Variants in KCNJ12 observed in about 807,000 individuals in gnomAD.
KCNJ12 encodes potassium inwardly rectifying channel subfamily J member 12.
A neutral mutation model predicts 22.3 loss-of-function variants in KCNJ12; 2 were observed. That is an observed-to-expected ratio of 0.09 (90% CI 0.04 to 0.28). KCNJ12 has a LOEUF of 0.28. Among genes scored for constraint, KCNJ12 ranks in the 10% least tolerant of loss-of-function variants. The pLI is 1.00. For missense variants in KCNJ12, 155 were observed against 633.3 expected, an observed-to-expected ratio of 0.24 and a Z score of 8.11; for synonymous variants, 117 against 261.4, an observed-to-expected ratio of 0.45 and a Z score of 5.33.
chr17:21,386,724 T>A (rs1387677953), intron 1 of KCNJ12, among the ~76,000 whole-genome samples: 1 of 152,050 alleles, frequency 6.6e-6, no homozygotes, highest in Non-Finnish European at 1.5e-5. Context: ...GCCAGGATAG[T>A]CTCGATCTCT....
chr17:21,395,593 A>G (rs1317637675), intron 1 of KCNJ12, among the ~76,000 whole-genome samples: 1 of 149,212 alleles, frequency 6.7e-6, no homozygotes, highest in Non-Finnish European at 1.5e-5. Context: ...AAAAAAAAAA[A>G]AGAAAGAAAA....
At chr17:21,388,617 A>G (rs1555558964) in intron 1 of KCNJ12, among the ~76,000 whole-genome samples, 1 of 150,084 alleles carries the variant, frequency 6.7e-6, no homozygotes, top group Non-Finnish European at 1.5e-5. Flanking sequence ...TTTCTCAGGA[A>G]GTAGTGTGAC....
intron 1 of KCNJ12, among the ~76,000 whole-genome samples, chr17:21,387,920 C>T (rs1014489324): frequency 6.6e-6 from 1 of 152,128 alleles, no homozygotes; most frequent in African/African-American, 2.4e-5. Flanking sequence ...CTGTGCCCCC[C>T]GAGGGTCGTG....
At position 21,419,306 on chromosome 17, in the gene KCNJ12, G is replaced by GTA. The variant is rs1393223282; in HGVS notation, c.*2663_*2664insAT. Reference sequence around the variant, plus strand: ...ATACGTGATCTATACGTGTGTGTGTGTGTGTGTGTGTGTGTGTGTGTGTAT... The same window carrying GTA: ...ATACGTGATCTATACGTGTGTGTGTGTATGTGTGTGTGTGTGTGTGTGTGTAT... On this transcript the variant is annotated 3_prime_UTR_variant, in exon 3 of 3. Coordinates refer to ENST00000583088, the MANE Select transcript of KCNJ12 (RefSeq NM_021012.5). 4 of 166,684 alleles carry GTA rather than the reference G, an allele frequency of 2.4e-5. No homozygotes were observed. The East Asian group carries it at 5.8e-4, about 24-fold the overall frequency. The allele number at this position is 166,684 out of a possible 1,614,324, so 10.3% of individuals were successfully genotyped here.
intron 1 of KCNJ12, among the ~76,000 whole-genome samples, chr17:21,387,081 G>C (rs1020085137): frequency 6.6e-6 from 1 of 152,016 alleles, no homozygotes; most frequent in African/African-American, 2.4e-5. Flanking sequence ...GCGTGAACCC[G>C]GGGGGCGGAG....
At chr17:21,400,756 G>A (rs1483345865) in intron 1 of KCNJ12, among the ~76,000 whole-genome samples, 1 of 152,310 alleles carries the variant, frequency 6.6e-6, no homozygotes, top group African/African-American at 2.4e-5. Flanking sequence ...ACTTTTGAGT[G>A]CAAGAGAGAA....
In KCNJ12 at chr17:21,416,755, C is replaced by G; in HGVS notation, c.*111C>G. ...GGCCCAGTGCCCTGGGTTGCAGACT[C>G]AGTAGCGTTTTAGTCGTTTTATGTT... On this transcript the variant is annotated 3_prime_UTR_variant, in exon 3 of 3. Transcript: ENST00000583088. The G allele has an allele frequency of 7.0e-7, 1 of 1,437,300 alleles. No individual in the cohort carries two copies. The highest frequency in any genetic ancestry group is 9.2e-7 in the Non-Finnish European group (1 of 1,086,592). The allele number at this position is 1,437,300 out of a possible 1,614,324, so 89.0% of individuals were successfully genotyped here.
chr17:21,414,370 G>T (rs1186744738), intron 2 of KCNJ12, among the ~76,000 whole-genome samples: 2 of 152,280 alleles, frequency 1.3e-5, no homozygotes, highest in Non-Finnish European at 2.9e-5. Flanking sequence ...AGCTGCTCAG[G>T]AAGCTGAGGC....
intron 1 of KCNJ12, among the ~76,000 whole-genome samples, chr17:21,384,175 C>T (rs568021386): frequency 2.0e-5 from 3 of 152,240 alleles, no homozygotes; most frequent in Admixed American, 1.3e-4. Context: ...CATGTCATGG[C>T]GTCCCCTGCA....
intron 2 of KCNJ12, among the ~76,000 whole-genome samples, chr17:21,411,712 G>A (rs1906359453): frequency 6.6e-6 from 1 of 152,350 alleles, no homozygotes; most frequent in African/African-American, 2.4e-5. Flanking sequence ...CAGCAAAACA[G>A]TTTCTCTGAT....
chr17:21,398,880 C>T (rs1555560184), intron 1 of KCNJ12, among the ~76,000 whole-genome samples: 1 of 152,258 alleles, frequency 6.6e-6, no homozygotes, highest in East Asian at 1.9e-4. Flanking sequence ...TATGCTGGAC[C>T]TGTTCTGGGT....
chr17:21,388,430 A>G (rs1408175860), intron 1 of KCNJ12, among the ~76,000 whole-genome samples: 3 of 152,184 alleles, frequency 2.0e-5, no homozygotes, highest in African/African-American at 7.2e-5. Context: ...GCCACACCCT[A>G]GTCCCTCTGG....
chr17:21,410,859 A>C (rs1227699064), intron 2 of KCNJ12, among the ~76,000 whole-genome samples: 2 of 152,304 alleles, frequency 1.3e-5, no homozygotes, highest in Admixed American at 6.5e-5. Context: ...TAATAATCAC[A>C]GTGTGATGGA....
At chr17:21,398,952 A>T (rs1905475904) in intron 1 of KCNJ12, among the ~76,000 whole-genome samples, 1 of 152,248 alleles carries the variant, frequency 6.6e-6, no homozygotes, top group East Asian at 1.9e-4. Context: ...CATTCCACAG[A>T]TGTGGAAACT....
rs1450967941 is a variant in KCNJ12, at chr17:21,408,652, G to A, written c.-57+12G>A. Reference sequence around the variant, plus strand: ...ATAGAACTCAAGAGGTAAGAGTGAAGTCATTGACATGCTCTTGTGCATCTA... The same window carrying A: ...ATAGAACTCAAGAGGTAAGAGTGAAATCATTGACATGCTCTTGTGCATCTA... On this transcript the variant is annotated intron_variant, in intron 2 of 2. Transcript: ENST00000583088. 1 of 152,482 alleles carries A rather than the reference G, an allele frequency of 6.6e-6. No homozygotes were observed. The highest frequency in any genetic ancestry group is 2.1e-4 in the South Asian group (1 of 4,840). 9.4% of individuals were successfully genotyped at this position (152,482 alleles called of 1,614,324 possible).
rs1477091654 is a variant in KCNJ12 at position 21,403,464 on chromosome 17, C to A, written c.-178-5055C>A. Reference sequence around the variant, plus strand: ...TCCCAGGATGCTTCTTGTGTCCTTACCTTGTGTCCTTGCTCTCCTGTGCAC... The same window carrying A: ...TCCCAGGATGCTTCTTGTGTCCTTAACTTGTGTCCTTGCTCTCCTGTGCAC... On this transcript the variant is annotated intron_variant, in intron 1 of 2. Transcript: ENST00000583088. 8.5e-5 allele frequency among the ~76,000 whole-genome samples: 13 copies of A among 152,388 alleles called. No individual in the cohort carries two copies. In the East Asian group the frequency reaches 1.3e-3, roughly 16 times the overall value.
At chr17:21,408,998 A>G (rs1438216716) in intron 2 of KCNJ12, among the ~76,000 whole-genome samples, 2 of 152,308 alleles carry the variant, frequency 1.3e-5, no homozygotes, top group Non-Finnish European at 2.9e-5. Context: ...CTGTTGATTC[A>G]ATCACTGTTC....
chr17:21,409,135 A>G (rs1906164916), intron 2 of KCNJ12, among the ~76,000 whole-genome samples: 1 of 152,308 alleles, frequency 6.6e-6, no homozygotes, highest in Non-Finnish European at 1.5e-5. Flanking sequence ...GAGCTTGGTC[A>G]GAGATGGGGC....
chr17:21,406,829 A>G (rs1905969356), intron 1 of KCNJ12, among the ~76,000 whole-genome samples: 6 of 152,426 alleles, frequency 3.9e-5, no homozygotes, highest in Non-Finnish European at 1.5e-5. Flanking sequence ...GGCAGGCCCC[A>G]TGAACTCCCT....
Sources: allele counts gnomAD v4.1 joint callset (sites outside exome capture counted in the v4.1 genomes callset), GRCh38; gene constraint gnomAD v4.1.1; transcripts MANE v1.5; gene names NCBI Gene and HGNC (gene_info 2026-07-23, HGNC 2026-07-21).